SEC11A: variants seen among roughly 807,000 people sequenced by gnomAD.
The protein encoded by SEC11A is SEC11 homolog A, signal peptidase complex subunit.
A neutral mutation model predicts 25.6 loss-of-function variants in SEC11A; 14 were observed. That is an observed-to-expected ratio of 0.55 (90% CI 0.36 to 0.85). The LOEUF (loss-of-function observed/expected upper bound fraction) is 0.85. Ranked by LOEUF, SEC11A falls within the 40% of genes least tolerant of loss-of-function variation. The pLI, the probability that SEC11A is intolerant of heterozygous loss-of-function variation, is 0.01. For missense variants in SEC11A, 153 were observed against 222.9 expected, an observed-to-expected ratio of 0.69 and a Z score of 2.00; for synonymous variants, 83 against 76.4, an observed-to-expected ratio of 1.09 and a Z score of -0.45.
At chr15:84,709,428 T>G (rs937179641) in intron 1 of SEC11A, among the ~76,000 whole-genome samples, 1 of 152,056 alleles carries the variant, frequency 6.6e-6, no homozygotes, top group African/African-American at 2.4e-5. Flanking sequence ...TCTGTTTGTA[T>G]TTGTTTTTGT....
chr15:84,696,022 C>T (rs746046220), intron 1 of SEC11A, among the ~76,000 whole-genome samples: 2 of 152,120 alleles, frequency 1.3e-5, no homozygotes, highest in East Asian at 1.9e-4. Flanking sequence ...CAATGAAGCA[C>T]GGTGTACTCA....
chr15:84,692,057 T>G (rs1475215678), intron 1 of SEC11A: 1 of 142,100 alleles, frequency 7.0e-6, no homozygotes, highest in East Asian at 2.1e-4. Flanking sequence ...GGAGCCTCGC[T>G]CTTGCTCAGT....
intron 1 of SEC11A, among the ~76,000 whole-genome samples, chr15:84,711,084 A>C (rs991517773): frequency 6.6e-6 from 1 of 151,542 alleles, no homozygotes. Context: ...AAAAAAAAAA[A>C]TGCTCATATT....
chr15:84,681,289 T>G (rs1009172385), intron 3 of SEC11A, among the ~76,000 whole-genome samples: 4 of 152,224 alleles, frequency 2.6e-5, no homozygotes. Flanking sequence ...TTTCTCCAAC[T>G]AATGACTTGC....
At chr15:84,705,551 G>C (rs565665925) in intron 1 of SEC11A, among the ~76,000 whole-genome samples, 22 of 152,096 alleles carry the variant, frequency 1.4e-4, no homozygotes, top group African/African-American at 4.8e-4. Flanking sequence ...CTAATGATCT[G>C]GTAGCGAAAT....
rs190568391 is a variant in SEC11A at position 84,679,778 on chromosome 15, G to C, written c.431+935C>G. Among the ~76,000 whole-genome samples, 50 of 152,214 alleles carry C rather than the reference G, an allele frequency of 3.3e-4. No homozygotes were observed. In the East Asian group the frequency reaches 8.3e-3, roughly 25 times the overall value. On this transcript the variant is annotated intron_variant, in intron 4 of 5. Transcript: ENST00000268220. Reference sequence around the variant, plus strand: ...CTCATCTGTAGAATGGGAATATTAGGGTTGTTCTGAGGTTAAAATGTGGTA... The same window carrying C: ...CTCATCTGTAGAATGGGAATATTAGCGTTGTTCTGAGGTTAAAATGTGGTA...
At chr15:84,678,205 A>C (rs537807587) in intron 4 of SEC11A, among the ~76,000 whole-genome samples, 72 of 151,978 alleles carry the variant, frequency 4.7e-4, no homozygotes, top group Admixed American at 1.9e-3. Flanking sequence ...GCCTGGGCAA[A>C]AGAGCAAGAC....
chr15:84,698,846 G>A (rs1199024321), intron 1 of SEC11A, among the ~76,000 whole-genome samples: 3 of 151,818 alleles, frequency 2.0e-5, no homozygotes, highest in African/African-American at 7.3e-5. Context: ...CCGGTAAAAT[G>A]CAAATAGAAG....
At chr15:84,675,770 G>C (rs1897117245) in intron 4 of SEC11A, among the ~76,000 whole-genome samples, 1 of 152,124 alleles carries the variant, frequency 6.6e-6, no homozygotes, top group Admixed American at 6.5e-5. Context: ...CCTGAGTTTA[G>C]AAAGAAATCA....
intron 4 of SEC11A, among the ~76,000 whole-genome samples, chr15:84,678,844 A>G (rs1180563987): frequency 6.6e-6 from 1 of 152,068 alleles, no homozygotes; most frequent in Non-Finnish European, 1.5e-5. Context: ...AATACAAAAA[A>G]TTAGCTGGGT....
chr15:84,680,608 C>G (rs1463488979), intron 4 of SEC11A, 105 bp downstream of exon 4: 1 of 1,202,810 alleles, frequency 8.3e-7, no homozygotes, highest in Non-Finnish European at 1.1e-6. Flanking sequence ...TTGGTGGAAC[C>G]AGAACCAAAT....
chr15:84,689,783 T>A (rs1897548926), intron 2 of SEC11A, among the ~76,000 whole-genome samples: 1 of 151,972 alleles, frequency 6.6e-6, no homozygotes, highest in Admixed American at 6.6e-5. Flanking sequence ...AATTTTTGTA[T>A]TTTTAGTAGA....
chr15:84,679,506 G>A (rs1334199480), intron 4 of SEC11A, among the ~76,000 whole-genome samples: 3 of 152,198 alleles, frequency 2.0e-5, no homozygotes, highest in African/African-American at 7.2e-5. Flanking sequence ...TATGGGAACT[G>A]CGTATCTCAG....
At chr15:84,705,003 C>T (rs1898054415) in intron 1 of SEC11A, among the ~76,000 whole-genome samples, 1 of 151,658 alleles carries the variant, frequency 6.6e-6, no homozygotes, top group African/African-American at 2.4e-5. Context: ...TAGCTCACTG[C>T]AGGCTCAAAC....
intron 2 of SEC11A, among the ~76,000 whole-genome samples, chr15:84,690,155 T>C (rs937358968): frequency 6.6e-5 from 10 of 152,114 alleles, no homozygotes; most frequent in African/African-American, 2.2e-4. Flanking sequence ...CCACGTGTTT[T>C]GGGAGGGACC....
chr15:84,713,588 C>A (rs1023279277), intron 1 of SEC11A, among the ~76,000 whole-genome samples: 5 of 152,210 alleles, frequency 3.3e-5, no homozygotes, highest in African/African-American at 9.7e-5. Flanking sequence ...CTTCCACTAA[C>A]CCTGAATGTC....
chr15:84,707,028 G>C (rs8040682), intron 1 of SEC11A, among the ~76,000 whole-genome samples: 2,213 of 152,182 alleles, frequency 0.015, 60 homozygotes, highest in African/African-American at 0.05. Flanking sequence ...CACTCCAGCA[G>C]CTGGATGTGG....
At position 84,669,855 on chromosome 15, in the gene SEC11A, G is replaced by A. The variant is rs776260591; in HGVS notation, c.*164C>T. On this transcript the variant is annotated 3_prime_UTR_variant, in exon 6 of 6. Coordinates refer to ENST00000268220, the MANE Select transcript of SEC11A (RefSeq NM_014300.4). Reference sequence around the variant, plus strand: ...TGCACTCTGTGGTGCACATGCGCCCGCCCACACAAACTCTGGCATGGAAAC... The same window carrying A: ...TGCACTCTGTGGTGCACATGCGCCCACCCACACAAACTCTGGCATGGAAAC... 2.1e-4 allele frequency: 283 copies of A among 1,319,116 alleles called. No individual in the cohort carries two copies. The highest frequency in any genetic ancestry group is 2.8e-4 in the Non-Finnish European group (267 of 952,462). 81.7% of individuals were successfully genotyped at this position (1,319,116 alleles called of 1,614,324 possible).
At chr15:84,680,657 A>G in intron 4 of SEC11A, 56 bp downstream of exon 4, 3 of 1,487,524 alleles carry the variant, frequency 2.0e-6, no homozygotes, top group Non-Finnish European at 2.7e-6. Context: ...AATATGATTG[A>G]GAGGGCCACA....
Sources: allele counts gnomAD v4.1 joint callset (sites outside exome capture counted in the v4.1 genomes callset), GRCh38; gene constraint gnomAD v4.1.1; transcripts MANE v1.5; gene names NCBI Gene and HGNC (gene_info 2026-07-23, HGNC 2026-07-21).